Variants in CELF2 observed in about 807,000 individuals in gnomAD.
The protein encoded by CELF2 is CUG triplet repeat RNA-binding protein 2.
CELF2 carries 8 observed loss-of-function variants against 62.6 expected under a neutral mutation model. That is an observed-to-expected ratio of 0.13 (90% CI 0.07 to 0.23). The LOEUF (loss-of-function observed/expected upper bound fraction) is 0.23, where lower values mean the gene tolerates loss of function less well. Among genes scored for constraint, CELF2 ranks in the 10% least tolerant of loss-of-function variants. CELF2 has a pLI of 1.00. For missense variants in CELF2, 333 were observed against 671.0 expected, an observed-to-expected ratio of 0.50 and a Z score of 5.56; for synonymous variants, 258 against 250.0, an observed-to-expected ratio of 1.03 and a Z score of -0.30.
At chr10:11,141,279 TGGCAAAAGGAATAAA>T (rs2061317797) in intron 1 of CELF2, among the ~76,000 whole-genome samples, 1 of 152,122 alleles carries the variant, frequency 6.6e-6, no homozygotes, top group Non-Finnish European at 1.5e-5. Context: ...AAATAGGATT[TGGCAAAAGGAATAAA>T]GGCAAGGGGC....
At chr10:11,143,352 A>G (rs1351686272) in intron 1 of CELF2, among the ~76,000 whole-genome samples, 1 of 152,212 alleles carries the variant, frequency 6.6e-6, no homozygotes, top group Non-Finnish European at 1.5e-5. Flanking sequence ...TTGAAATGCT[A>G]GAGACTTGTA....
chr10:10,933,473 T>C (rs1476980348), intron 2 of CELF2, among the ~76,000 whole-genome samples: 1 of 152,222 alleles, frequency 6.6e-6, no homozygotes, highest in Non-Finnish European at 1.5e-5. Context: ...TTTTGAAATA[T>C]ATAACATTTT....
At chr10:10,679,596 T>G in the CELF2 span, among the ~76,000 whole-genome samples, 1 of 152,174 alleles carries the variant, frequency 6.6e-6, no homozygotes, top group Non-Finnish European at 1.5e-5. Flanking sequence ...GGCCCTATGT[T>G]TTACTTTTAA....
chr10:10,798,666 C>A (rs1266181176), exon 1 of CELF2: 4 of 398,470 alleles, frequency 1.0e-5, no homozygotes, highest in Non-Finnish European at 1.8e-5. Context: ...AGCCGCGGGG[C>A]GCCAGGGCCC....
At chr10:10,552,773 A>T in the CELF2 span, among the ~76,000 whole-genome samples, 2 of 152,250 alleles carry the variant, frequency 1.3e-5, no homozygotes, top group African/African-American at 2.4e-5. Flanking sequence ...TTAATTCTTC[A>T]TTTACTGAGT....
the CELF2 span, among the ~76,000 whole-genome samples, chr10:10,511,467 A>G: frequency 3.9e-5 from 6 of 152,022 alleles, no homozygotes; most frequent in Non-Finnish European, 8.8e-5. Flanking sequence ...ATGTGTATAT[A>G]TATTTATATA....
chr10:10,912,019 C>T (rs1251071374), intron 1 of CELF2, among the ~76,000 whole-genome samples: 2 of 152,182 alleles, frequency 1.3e-5, no homozygotes, highest in East Asian at 1.9e-4. Context: ...CACAGGCTGC[C>T]CTTCTTTTCT....
In CELF2 at chr10:11,026,951, G is replaced by A. The variant is rs140108940; in HGVS notation, c.74+8788G>A. 4.6e-5 allele frequency among the ~76,000 whole-genome samples: 7 copies of A among 152,240 alleles called. No individual in the cohort carries two copies. The East Asian group carries it at 7.7e-4, about 17-fold the overall frequency. ...GTTGAGCATAAGGGTGGCGTGTTTC[G>A]GAATGATTAACTTTATGGATGTCTT... On this transcript the variant is annotated intron_variant, in intron 1 of 12. Coordinates refer to ENST00000633077, the MANE Select transcript of CELF2 (RefSeq NM_001326342.2).
intron 8 of CELF2, among the ~76,000 whole-genome samples, chr10:11,284,522 G>GGTGGGTGGATGAGGGATGAGTGTGTT (rs2090472030): frequency 6.6e-6 from 1 of 151,512 alleles, no homozygotes; most frequent in Non-Finnish European, 1.5e-5. Context: ...ATGAGTGTGT[G>GGTGGGTGGATGAGGGATGAGTGTGTT]GTGGGTGGAT....
chr10:10,888,740 G>A (rs192150356), intron 1 of CELF2, among the ~76,000 whole-genome samples: 10 of 152,248 alleles, frequency 6.6e-5, no homozygotes, highest in Admixed American at 3.3e-4. Context: ...GTAACCTCGG[G>A]CTTGCCCTTC....
chr10:10,828,537 G>A lies in CELF2; in HGVS notation c.53+29720G>A, dbSNP rs115997012. On this transcript the variant is annotated intron_variant, in intron 1 of 13. Transcript: ENST00000636488. ...TGGGGAGAATGGGGAGCTGTTTAATGGGGACAGAATTTCAGTTTGGGATGA... is the reference window on the plus strand; with the variant it reads ...TGGGGAGAATGGGGAGCTGTTTAATAGGGACAGAATTTCAGTTTGGGATGA... Among the ~76,000 whole-genome samples, 883 of 152,188 alleles carry A rather than the reference G, an allele frequency of 5.8e-3. 10 individuals carry two copies. The highest frequency in any genetic ancestry group is 0.02 in the African/African-American group (847 of 41,538).
the CELF2 span, among the ~76,000 whole-genome samples, chr10:10,719,198 TCCAC>T: frequency 6.6e-6 from 1 of 152,012 alleles, no homozygotes. Context: ...AACCTCTTGA[TCCAC>T]CCACCTCGGC....
chr10:10,486,154 G>A, the CELF2 span, among the ~76,000 whole-genome samples: 1 of 152,186 alleles, frequency 6.6e-6, no homozygotes, highest in Non-Finnish European at 1.5e-5. Flanking sequence ...GCCTGTGGTA[G>A]AGGTGGAAAT....
the CELF2 span, among the ~76,000 whole-genome samples, chr10:10,754,084 T>TTTTTTTTTTTTTTG: frequency 6.8e-6 from 1 of 146,436 alleles, no homozygotes; most frequent in African/African-American, 2.6e-5. Flanking sequence ...TTTTTTTTTT[T>TTTTTTTTTTTTTTG]TAGTATTTGA....
chr10:11,292,474 A>G (rs1009526587), intron 9 of CELF2, among the ~76,000 whole-genome samples: 2 of 152,242 alleles, frequency 1.3e-5, no homozygotes, highest in African/African-American at 4.8e-5. Context: ...CTGCATTTGC[A>G]TCAGAGGAGA....
chr10:10,709,287 AAT>A, the CELF2 span, among the ~76,000 whole-genome samples: 12 of 152,326 alleles, frequency 7.9e-5, no homozygotes, highest in East Asian at 2.3e-3. Context: ...ATTCAGAAGG[AAT>A]GGAGGCTCAG....
chr10:10,846,266 C>G (rs2059005122), intron 1 of CELF2: 1 of 234,798 alleles, frequency 4.3e-6, no homozygotes, highest in African/African-American at 2.3e-5. Flanking sequence ...TTTCCAAGCT[C>G]CTTCTTGCTT....
the CELF2 span, among the ~76,000 whole-genome samples, chr10:10,639,147 A>G: frequency 1.3e-5 from 2 of 152,256 alleles, no homozygotes; most frequent in East Asian, 3.8e-4. Context: ...TGTCCTAGAA[A>G]TATGTGCAAT....
At chr10:10,629,093 C>G in the CELF2 span, among the ~76,000 whole-genome samples, 1 of 152,126 alleles carries the variant, frequency 6.6e-6, no homozygotes, top group Non-Finnish European at 1.5e-5. Flanking sequence ...GTTCCTGAAC[C>G]AGGAGATTCC....
Sources: allele counts gnomAD v4.1 joint callset (sites outside exome capture counted in the v4.1 genomes callset), GRCh38; gene constraint gnomAD v4.1.1; transcripts MANE v1.5; gene names NCBI Gene and HGNC (gene_info 2026-07-23, HGNC 2026-07-21).